ZNF658: variants seen among roughly 807,000 people sequenced by gnomAD.
ZNF658 encodes the protein zinc finger protein 658.
A neutral mutation model predicts 78.0 loss-of-function variants in ZNF658; 46 were observed. The observed-to-expected ratio is 0.59, with a 90% confidence interval of 0.47 to 0.75. The LOEUF is 0.75. Among genes scored for constraint, ZNF658 ranks in the 30% least tolerant of loss-of-function variants. ZNF658 has a pLI of 0.00. For missense variants in ZNF658, 785 were observed against 1,189.3 expected, an observed-to-expected ratio of 0.66 and a Z score of 5.00; for synonymous variants, 279 against 408.4, an observed-to-expected ratio of 0.68 and a Z score of 3.82.
chr9:66,913,197 G>A (rs1416278631), intron 4 of ZNF658, among the ~76,000 whole-genome samples: 1 of 151,108 alleles, frequency 6.6e-6, no homozygotes, highest in African/African-American at 2.4e-5. Context: ...GGCCGAGGCG[G>A]GTGGATCACC....
At chr9:66,922,927 A>G (rs1337138479), downstream of ZNF658, among the ~76,000 whole-genome samples, 1 of 151,324 alleles carries the variant, frequency 6.6e-6, no homozygotes, top group African/African-American at 2.4e-5. Flanking sequence ...CATGTAAGAC[A>G]TACACTGGTT....
intron 1 of ZNF658, among the ~76,000 whole-genome samples, chr9:66,902,440 C>A (rs566570610): frequency 8.6e-6 from 1 of 116,258 alleles, no homozygotes; most frequent in South Asian, 2.8e-4. Context: ...GACCGTGTGA[C>A]TTTGCTGTGG....
downstream of ZNF658, among the ~76,000 whole-genome samples, chr9:66,923,495 T>G (rs1354275284): frequency 1.7e-5 from 2 of 117,490 alleles, no homozygotes; most frequent in Non-Finnish European, 3.6e-5. Flanking sequence ...AACCATCACA[T>G]GGAGCAATGT....
intron 4 of ZNF658, among the ~76,000 whole-genome samples, chr9:66,910,242 A>G (rs1041889260): frequency 2.6e-5 from 4 of 152,206 alleles, no homozygotes; most frequent in African/African-American, 9.6e-5. Flanking sequence ...TTATATGCCT[A>G]TTAGGCTTTG....
At chr9:66,914,416 T>G (rs528338213) in intron 4 of ZNF658, among the ~76,000 whole-genome samples, 102 of 152,194 alleles carry the variant, frequency 6.7e-4, no homozygotes, top group Middle Eastern at 6.8e-3. Flanking sequence ...AAACTTTCTG[T>G]GTAAATTTAC....
chr9:66,928,684 C>A (rs1822609636), intron 6 of ZNF658, among the ~76,000 whole-genome samples: 1 of 132,268 alleles, frequency 7.6e-6, no homozygotes. Context: ...AACCCCATCT[C>A]TACTAAAAAT....
rs142577257 is a variant in ZNF658, at chr9:66,918,717, A to C, written c.1151A>C (p.Asp384Ala). 1.1e-5 allele frequency: 17 copies of C among 1,613,980 alleles called. No homozygotes were observed. Among genetic ancestry groups the C allele is most frequent in the Non-Finnish European group, 1.4e-5 (17 of 1,179,868 alleles). ...IHTEDKFYLS[D>A]EHGKCRKSFY... ...ACAGAAGATAAATTCTACCTTTCTG[A>C]TGAACATGGGAAATGCAGAAAATCC... is the stretch of plus-strand genomic sequence containing the variant. Residue 384 changes from aspartate (D) to alanine (A), a missense_variant, in exon 5 of 5, where the codon GAT (aspartate) becomes GCT (alanine). Physicochemically the swap from Asp to Ala is moderately radical, Grantham distance 126. Around this residue, in one of 12 missense-constraint regions of ZNF658, gnomAD observed 393 missense variants for 400.2 expected, o/e 0.98. Transcript: ENST00000621410.
chr9:66,902,300 T>C (rs910475713), intron 1 of ZNF658, among the ~76,000 whole-genome samples: 1 of 133,296 alleles, frequency 7.5e-6, no homozygotes, highest in African/African-American at 2.9e-5. Flanking sequence ...CGAGACCTCT[T>C]CTAGAGCGTC....
At position 66,918,073 on chromosome 9, in the gene ZNF658, G is replaced by C. The variant is rs1194472843; in HGVS notation, c.507G>C (p.Val169=). ...GAAAGAAGACTGAATACATGAATGT[G>C]TGTGAGAAACTGCAGCTTGATATTA... ...YSRKKTEYMN[V]CEKLQLDIKH... The change falls in exon 5 of 5, where the codon GTG becomes GTC. Residue 169 remains valine (V), a synonymous_variant. Coordinates refer to ENST00000621410, the MANE Select transcript of ZNF658 (RefSeq NM_033160.7). 1.3e-6 allele frequency: 2 copies of C among 1,596,630 alleles called. No homozygotes were observed. Among genetic ancestry groups the C allele is most frequent in the South Asian group, 2.3e-5 (2 of 87,728 alleles).
chr9:66,918,693 C>T lies in ZNF658; in HGVS notation c.1127C>T (p.Thr376Ile). ...LDFTAHQRIH[T>I]EDKFYLSDEH... ...TTTACAGCACATCAGAGAATTCACA[C>T]AGAAGATAAATTCTACCTTTCTGAT... The change falls in exon 5 of 5, where the codon ACA becomes ATA. Residue 376 changes from threonine to isoleucine, a missense_variant. Thr to Ile is a moderately conservative substitution (Grantham distance 89, BLOSUM62 -1). Around this residue, in one of 12 missense-constraint regions of ZNF658, gnomAD observed 393 missense variants for 400.2 expected, o/e 0.98. Transcript: ENST00000621410. 6.2e-7 allele frequency: 1 copy of T among 1,613,908 alleles called. No homozygotes were observed. The highest frequency in any genetic ancestry group is 8.5e-7 in the Non-Finnish European group (1 of 1,179,856).
chr9:66,915,153 T>C (rs1013545773), intron 4 of ZNF658, among the ~76,000 whole-genome samples: 1 of 151,698 alleles, frequency 6.6e-6, no homozygotes, highest in Non-Finnish European at 1.5e-5. Flanking sequence ...TATGCAAACA[T>C]AGTTAAAATT....
At chr9:66,912,705 C>A (rs929015134) in intron 4 of ZNF658, among the ~76,000 whole-genome samples, 2 of 151,908 alleles carry the variant, frequency 1.3e-5, no homozygotes, top group African/African-American at 4.8e-5. Context: ...AAAATGGCAC[C>A]AACAGACTTG....
Position 66,918,984 on chromosome 9 carries a change from G to A in ZNF658, c.1418G>A (p.Cys473Tyr). The A allele has an allele frequency of 1.6e-6, 2 of 1,284,860 alleles. No homozygotes were observed. The highest frequency in any genetic ancestry group is 2.2e-6 in the Non-Finnish European group (2 of 921,090). The allele number at this position is 1,284,860 out of a possible 1,614,324, so 79.6% of individuals were successfully genotyped here. A position where few individuals can be genotyped will look rare whatever the true frequency, so the allele number is the denominator to read the frequency against. The change falls in exon 5 of 5, where the codon TGT becomes TAT. Residue 473 changes from cysteine to tyrosine, a missense_variant. Cys to Tyr is a radical substitution (Grantham distance 194). This residue lies in a region of ZNF658 where 393 missense variants were observed against 400.2 expected (regional missense o/e 0.98). Transcript: ENST00000621410. The part of the protein sequence containing the change: ...TKEKPCDNNG[C>Y]GRSYKSPLIG... ...GAGAAACCTTGTGATAACAATGGCT[G>A]TGGGAGATCTTACAAGTCACCCCTC... is the stretch of plus-strand genomic sequence containing the variant.
intron 2 of ZNF658, among the ~76,000 whole-genome samples, chr9:66,904,833 C>T (rs897873984): frequency 6.6e-6 from 1 of 151,878 alleles, no homozygotes; most frequent in African/African-American, 2.4e-5. Flanking sequence ...GGGAAAATTC[C>T]AGTTTCTCTA....
intron 6 of ZNF658, among the ~76,000 whole-genome samples, chr9:66,931,511 T>A (rs972021293): frequency 2.0e-5 from 3 of 152,044 alleles, no homozygotes; most frequent in African/African-American, 7.2e-5. Context: ...AGTAGAACCA[T>A]AGAACATTTA....
Position 66,920,319 on chromosome 9 carries a change from C to G in ZNF658, c.2753C>G (p.Thr918Ser), listed in dbSNP as rs142001449. 4.0e-5 allele frequency: 64 copies of G among 1,613,870 alleles called. No individual in the cohort carries two copies. In the African/African-American group the frequency reaches 6.8e-4, roughly 17 times the overall value. ...KPYECSECGK[T>S]FSEKSYVSAH... ...TATGAATGCAGTGAATGTGGGAAAA[C>G]CTTCTCTGAGAAGTCATATGTTAGT... The change falls in exon 5 of 5, where the codon ACC becomes AGC. Residue 918 changes from threonine (T) to serine (S), a missense_variant. Thr to Ser is a moderately conservative substitution (Grantham distance 58, BLOSUM62 1). This residue lies in a region of ZNF658 where 85 missense variants were observed against 108.6 expected (regional missense o/e 0.78). Coordinates refer to ENST00000621410, the MANE Select transcript of ZNF658 (RefSeq NM_033160.7).
chr9:66,912,976 A>G (rs1822248281), intron 4 of ZNF658, among the ~76,000 whole-genome samples: 1 of 151,560 alleles, frequency 6.6e-6, no homozygotes, highest in East Asian at 1.9e-4. Context: ...TGAATCTGGG[A>G]GGTGGAGGTT....
chr9:66,921,331 T>C lies in ZNF658; in HGVS notation c.*585T>C, dbSNP rs1822522948. The C allele has an allele frequency of 6.6e-6, 1 of 152,304 alleles. No homozygotes were observed. The highest frequency in any genetic ancestry group is 2.1e-4 in the South Asian group (1 of 4,832). 9.4% of individuals were successfully genotyped at this position (152,304 alleles called of 1,614,324 possible). On this transcript the variant is annotated 3_prime_UTR_variant, in exon 5 of 5. Transcript: ENST00000621410. ...CGACATCCAGGATGATCAGGAGCCT[T>C]CATTAAAACAGAAATTTTAGGGAAA...
intron 6 of ZNF658, among the ~76,000 whole-genome samples, chr9:66,930,771 C>T: frequency 6.6e-6 from 1 of 151,546 alleles, no homozygotes; most frequent in Admixed American, 6.6e-5. Context: ...CCTATAAGAG[C>T]AATATCTGTA....
Sources: allele counts gnomAD v4.1 joint callset (sites outside exome capture counted in the v4.1 genomes callset), GRCh38; gene constraint gnomAD v4.1.1; regional missense constraint gnomAD v4.1.1; transcripts MANE v1.5; gene names NCBI Gene and HGNC (gene_info 2026-07-23, HGNC 2026-07-21).